Variants in DNM2 observed in about 807,000 individuals in gnomAD.
The protein encoded by DNM2 is dynamin-2.
A neutral mutation model predicts 99.0 loss-of-function variants in DNM2; 15 were observed. The observed-to-expected ratio is 0.15, with a 90% CI of 0.10 to 0.23. The LOEUF is 0.23. Ranked by LOEUF, DNM2 falls within the 10% of genes least tolerant of loss-of-function variation. DNM2 has a pLI of 1.00. For synonymous variants in DNM2, 525 were observed against 481.2 expected (o/e 1.09, Z -1.19); for missense variants, 742 against 1,189.4 (o/e 0.62, Z 5.53).
At chr19:10,784,940 C>T (rs925116880) in intron 6 of DNM2, among the ~76,000 whole-genome samples, 1 of 150,630 alleles carries the variant, frequency 6.6e-6, no homozygotes, top group Admixed American at 6.6e-5. Flanking sequence ...TCTCATGCCT[C>T]AGCCTCCCAA....
At position 10,820,162 on chromosome 19, in the gene DNM2, C is replaced by A. The variant is rs2072927021; in HGVS notation, c.1781+73C>A. 7.2e-6 allele frequency: 10 copies of A among 1,397,850 alleles called. No individual in the cohort carries two copies. Among genetic ancestry groups the A allele is most frequent in the Non-Finnish European group, 9.1e-6 (9 of 986,738 alleles). The allele number at this position is 1,397,850 out of a possible 1,614,324, so 86.6% of individuals were successfully genotyped here. The stretch of plus-strand genomic sequence containing the variant: ...CCTCATTCACACTCCACAACCTTCA[C>A]TGAGCACTGAGCACCTGGCTGTCAG... On this transcript the variant is annotated intron_variant, in intron 16 of 20. Coordinates refer to ENST00000389253, the MANE Select transcript of DNM2 (RefSeq NM_001005361.3). This position sits in a 1 kb window ranked among gnomAD's most constrained non-coding sequence, Gnocchi z 4.3.
At chr19:10,793,167 G>GGTAATGAGATCT (rs2146010827) in intron 7 of DNM2, among the ~76,000 whole-genome samples, 1 of 152,278 alleles carries the variant, frequency 6.6e-6, no homozygotes, top group South Asian at 2.1e-4. Context: ...ACTTCTTGGA[G>GGTAATGAGATCT]GTAATGAGAT....
chr19:10,790,502 T>C (rs2071715956), intron 7 of DNM2, among the ~76,000 whole-genome samples: 1 of 152,166 alleles, frequency 6.6e-6, no homozygotes, highest in African/African-American at 2.4e-5. Flanking sequence ...AGATAGAGTC[T>C]CGCTCTGTCA....
Position 10,769,355 on chromosome 19 carries a change from G to A in DNM2, c.236-3124G>A, listed in dbSNP as rs543967830. On this transcript the variant is annotated intron_variant, in intron 2 of 20. Transcript: ENST00000389253. ...GCCCCATCAATACAATCCAAAGTGA[G>A]CTGGCTCTGATGAGGAAGAGGCCAA... 8 of 152,480 alleles carry A rather than the reference G, an allele frequency of 5.2e-5. No individual in the cohort carries two copies. The East Asian group carries it at 1.5e-3, about 29-fold the overall frequency. 9.4% of individuals were successfully genotyped at this position (152,480 alleles called of 1,614,324 possible).
intron 1 of DNM2, among the ~76,000 whole-genome samples, chr19:10,731,605 C>T (rs1264306110): frequency 2.0e-5 from 3 of 152,338 alleles, no homozygotes; most frequent in South Asian, 2.1e-4. Context: ...CCACCCGCCT[C>T]GGCCTCCCAA....
At position 10,798,227 on chromosome 19, in the gene DNM2, T is replaced by TTGCCTCC. The variant is rs528685725; in HGVS notation, c.1336-247_1336-241dup. ...ATGCCCCTGCTTTTCTGCTTTCATG[T>TTGCCTCC]TGCCTCCTGCCTCCTGCCCCCCGGT... On this transcript the variant is annotated intron_variant, in intron 10 of 20. Coordinates refer to ENST00000389253, the MANE Select transcript of DNM2 (RefSeq NM_001005361.3). 3.8e-3 allele frequency among the ~76,000 whole-genome samples: 585 copies of TTGCCTCC among 152,316 alleles called. 3 individuals are homozygous for TTGCCTCC. The highest frequency in any genetic ancestry group is 0.014 in the African/African-American group (566 of 41,556).
At chr19:10,721,239 C>G (rs2068929133) in intron 1 of DNM2, among the ~76,000 whole-genome samples, 1 of 152,126 alleles carries the variant, frequency 6.6e-6, no homozygotes, top group African/African-American at 2.4e-5. Context: ...TTACTGCAAC[C>G]TCCACCTCCC....
chr19:10,757,962 A>G (rs901824479), intron 1 of DNM2, among the ~76,000 whole-genome samples: 143 of 151,426 alleles, frequency 9.4e-4, no homozygotes, highest in East Asian at 3.7e-3. Flanking sequence ...AAAAAAAAAA[A>G]AAAGAAAAAG....
chr19:10,718,471 CGCGCCGT>C, intron 1 of DNM2, 68 bp downstream of exon 1: 1 of 1,292,676 alleles, frequency 7.7e-7, no homozygotes, highest in Non-Finnish European at 9.8e-7. Flanking sequence ...CCGGGAATGG[CGCGCCGT>C]GCGCCGCCGG....
At chr19:10,752,034 G>A (rs1231735718) in intron 1 of DNM2, among the ~76,000 whole-genome samples, 1 of 152,106 alleles carries the variant, frequency 6.6e-6, no homozygotes, top group East Asian at 1.9e-4. Context: ...AACCAATTTT[G>A]GTTGGCTAAA....
chr19:10,791,169 G>A (rs1200485085), intron 7 of DNM2, among the ~76,000 whole-genome samples: 3 of 151,988 alleles, frequency 2.0e-5, no homozygotes, highest in Non-Finnish European at 4.4e-5. Flanking sequence ...GCTCACTGAA[G>A]CCTGGACCTC....
At position 10,796,788 on chromosome 19, in the gene DNM2, C is replaced by T. The variant is rs992733938; in HGVS notation, c.1197-592C>T. On this transcript the variant is annotated intron_variant, in intron 9 of 20. Transcript: ENST00000389253. The surrounding 1 kb of genome is among the most constrained non-coding windows in gnomAD (Gnocchi z 5.6). ...TAGTCACAGTGCCTCTATGCGCTCT[C>T]GACGAGCCACTGCCTCCACTCAGCA... Among the ~76,000 whole-genome samples, 7 of 152,080 alleles carry T rather than the reference C, an allele frequency of 4.6e-5. No individual in the cohort carries two copies. The highest frequency in any genetic ancestry group is 1.9e-4 in the East Asian group (1 of 5,150).
rs375608802 is a variant in DNM2, at chr19:10,786,971, T to C, written c.992+265T>C. Among the ~76,000 whole-genome samples, 58 of 152,192 alleles carry C rather than the reference T, an allele frequency of 3.8e-4. 3 individuals are homozygous for C. The South Asian group carries it at 0.012, about 30-fold the overall frequency. On this transcript the variant is annotated intron_variant, in intron 7 of 20. Transcript: ENST00000389253. ...AAAAAACAAGAAAGAAAATGTATAG[T>C]GTGTTAAATGTCAAAATATGAAAGT...
chr19:10,828,907 A>G, intron 18 of DNM2, 129 bp from the exon 19 acceptor site: 5 of 943,032 alleles, frequency 5.3e-6, no homozygotes, highest in Non-Finnish European at 6.6e-6. Context: ...CCTGGGTGAC[A>G]GAGCAAGACT....
chr19:10,759,594 C>G, intron 1 of DNM2, 144 bp from the exon 2 acceptor site: 1 of 928,608 alleles, frequency 1.1e-6, no homozygotes, highest in Admixed American at 1.7e-5. Flanking sequence ...AAGACCAGAG[C>G]ATTCCCCAGG....
rs747050783 is a variant in DNM2 at position 10,793,759 on chromosome 19, C to T, written c.1032C>T (p.Ile344=). 6.4e-5 allele frequency: 104 copies of T among 1,613,962 alleles called. No homozygotes were observed. The highest frequency in any genetic ancestry group is 8.6e-5 in the Non-Finnish European group (101 of 1,180,022). Residue 344 remains isoleucine, a synonymous_variant, in exon 8 of 21, where the codon ATC becomes ATT. Coordinates refer to ENST00000389253, the MANE Select transcript of DNM2 (RefSeq NM_001005361.3). Reference sequence around the variant, plus strand: ...TTGGGGTGGATTTTGAGAAGAGGATCGAGGGCTCAGGAGATCAGGTGGACA... The same window carrying T: ...TTGGGGTGGATTTTGAGAAGAGGATTGAGGGCTCAGGAGATCAGGTGGACA... ...QQFGVDFEKR[I]EGSGDQVDTL... is the part of the protein sequence containing the mutation.
intron 8 of DNM2, among the ~76,000 whole-genome samples, chr19:10,794,472 A>C (rs2071865079): frequency 6.6e-6 from 1 of 152,094 alleles, no homozygotes; most frequent in Admixed American, 6.6e-5. Flanking sequence ...AGCAAGACCA[A>C]ATGCAGTGGC....
rs549647601 is a variant in DNM2 at position 10,750,645 on chromosome 19, A to G, written c.162-9093A>G. On this transcript the variant is annotated intron_variant, in intron 1 of 20. Transcript: ENST00000389253. Reference sequence around the variant, plus strand: ...GAGTGAGATCCTGCCTCTAAAATAAATAAGGCCGGGCGCGGTGGCTCATGC... The same window carrying G: ...GAGTGAGATCCTGCCTCTAAAATAAGTAAGGCCGGGCGCGGTGGCTCATGC... Among the ~76,000 whole-genome samples, 5 of 152,212 alleles carry G rather than the reference A, an allele frequency of 3.3e-5. No homozygotes were observed. In the East Asian group the frequency reaches 9.7e-4, roughly 29 times the overall value.
intron 12 of DNM2, chr19:10,803,589 C>G (rs1298555809): frequency 2.0e-6 from 2 of 982,318 alleles, no homozygotes; most frequent in Admixed American, 1.2e-4. Context: ...TCCTGTTTTT[C>G]CTTTGACCAC....
Sources: gnomAD v4.1 joint callset for allele counts (sites outside exome capture counted in the v4.1 genomes callset) on GRCh38, gnomAD v4.1.1 for gene constraint, Gnocchi (gnomAD v3.1) non-coding constraint, MANE v1.5 for transcripts, NCBI Gene and HGNC (gene_info 2026-07-23, HGNC 2026-07-21) for gene names.